Variants in NEK11 observed in about 807,000 individuals in gnomAD.
NEK11 encodes NIMA related kinase 11.
In NEK11, 72 loss-of-function variants were observed where a neutral mutation model predicts 80.7. The observed-to-expected ratio is 0.89, with a 90% confidence interval of 0.74 to 1.08. NEK11 has a LOEUF of 1.08. Ranked by LOEUF, NEK11 falls within the 50% of genes least tolerant of loss-of-function variation. NEK11 has a pLI of 0.00. For synonymous variants in NEK11, 251 were observed against 260.7 expected (o/e 0.96, Z 0.36); for missense variants, 764 against 763.6 (o/e 1.00, Z -0.01).
At chr3:131,034,545 G>A (rs550255165) in intron 3 of NEK11, among the ~76,000 whole-genome samples, 10 of 152,004 alleles carry the variant, frequency 6.6e-5, no homozygotes, top group Non-Finnish European at 1.2e-4. Flanking sequence ...GACTACAGGC[G>A]CCCGCCACCA....
At chr3:131,343,004 G>C (rs1481031561) in intron 17 of NEK11, among the ~76,000 whole-genome samples, 1 of 152,116 alleles carries the variant, frequency 6.6e-6, no homozygotes, top group Non-Finnish European at 1.5e-5. Context: ...AGTAGTTTCA[G>C]GGAAAAAGAG....
chr3:131,082,776 T>A (rs2149052213), intron 4 of NEK11, among the ~76,000 whole-genome samples: 1 of 152,334 alleles, frequency 6.6e-6, no homozygotes, highest in African/African-American at 2.4e-5. Context: ...ATATGCCCTT[T>A]ATCCAGATTC....
At chr3:131,110,783 C>T (rs1578407105) in intron 5 of NEK11, among the ~76,000 whole-genome samples, 1 of 152,214 alleles carries the variant, frequency 6.6e-6, no homozygotes, top group African/African-American at 2.4e-5. Context: ...AATGTGTCAT[C>T]TGTACTTTCT....
chr3:131,089,225 A>C (rs1247324594), intron 4 of NEK11, among the ~76,000 whole-genome samples: 1 of 152,178 alleles, frequency 6.6e-6, no homozygotes, highest in Non-Finnish European at 1.5e-5. Context: ...TGTTGAAAAT[A>C]CAGATTCCTT....
At chr3:131,251,732 C>T (rs1454050580) in intron 16 of NEK11, among the ~76,000 whole-genome samples, 1 of 152,054 alleles carries the variant, frequency 6.6e-6, no homozygotes, top group Non-Finnish European at 1.5e-5. Context: ...CAGGAAGCCC[C>T]TTAACCCTTC....
chr3:131,163,016 T>C (rs2091821178), intron 11 of NEK11, among the ~76,000 whole-genome samples: 1 of 152,222 alleles, frequency 6.6e-6, no homozygotes, highest in South Asian at 2.1e-4. Context: ...GAAAAGTCTA[T>C]GCTCAGGGCG....
intron 4 of NEK11, among the ~76,000 whole-genome samples, chr3:131,103,156 A>G (rs988922735): frequency 1.3e-5 from 2 of 152,082 alleles, no homozygotes; most frequent in African/African-American, 4.8e-5. Context: ...TCCACATTCT[A>G]TGTCTGTCAT....
At chr3:131,250,723 G>C (rs2095684799) in intron 16 of NEK11, among the ~76,000 whole-genome samples, 1 of 152,052 alleles carries the variant, frequency 6.6e-6, no homozygotes, top group South Asian at 2.1e-4. Context: ...GAATTCCAAG[G>C]GGTAAATAAA....
intron 17 of NEK11, among the ~76,000 whole-genome samples, chr3:131,286,092 T>C (rs1177682888): frequency 6.6e-6 from 1 of 152,244 alleles, no homozygotes; most frequent in South Asian, 2.1e-4. Context: ...CCACTTCAAT[T>C]GCCATTCTGC....
intron 17 of NEK11, among the ~76,000 whole-genome samples, chr3:131,318,299 T>C (rs2109646908): frequency 6.6e-6 from 1 of 152,298 alleles, no homozygotes; most frequent in African/African-American, 2.4e-5. Context: ...ATTCATTATT[T>C]CCATTTTAAA....
At position 131,109,965 on chromosome 3, in the gene NEK11, G is replaced by A. The variant is rs746841270; in HGVS notation, c.455+44G>A. 9 of 1,542,208 alleles carry A rather than the reference G, an allele frequency of 5.8e-6. No homozygotes were observed. In the South Asian group the frequency reaches 1.0e-4, roughly 17 times the overall value. ...GGGGGAGCATGATATATTTTTAACA[G>A]TCATGTTTGAACTTGAAAAGTGAAT... On this transcript the variant is annotated intron_variant, in intron 5 of 17. Transcript: ENST00000383366.
intron 14 of NEK11, among the ~76,000 whole-genome samples, chr3:131,189,955 A>G (rs939397564): frequency 1.3e-5 from 2 of 152,212 alleles, no homozygotes; most frequent in African/African-American, 2.4e-5. Context: ...CAACCAGTCC[A>G]AACAGAAATG....
chr3:131,060,036 T>C (rs938591262), intron 3 of NEK11, among the ~76,000 whole-genome samples: 11 of 152,176 alleles, frequency 7.2e-5, no homozygotes. Context: ...TTAATCCAAG[T>C]GTGAGTCTCT....
At chr3:131,030,865 A>T (rs149796780) in intron 3 of NEK11, among the ~76,000 whole-genome samples, 1 of 152,216 alleles carries the variant, frequency 6.6e-6, no homozygotes, top group Non-Finnish European at 1.5e-5. Flanking sequence ...TGCAGTGGAA[A>T]GTAAGTTGGA....
chr3:131,135,678 ATAT>A (rs933039696), intron 7 of NEK11, among the ~76,000 whole-genome samples: 1 of 152,142 alleles, frequency 6.6e-6, no homozygotes, highest in African/African-American at 2.4e-5. Flanking sequence ...TTAAAAATTA[ATAT>A]TATGGACATT....
intron 5 of NEK11, among the ~76,000 whole-genome samples, chr3:131,123,800 C>T (rs1329036775): frequency 6.6e-6 from 1 of 152,022 alleles, no homozygotes; most frequent in Non-Finnish European, 1.5e-5. Flanking sequence ...CCTGTTGTCT[C>T]TTTGACTTCC....
intron 4 of NEK11, among the ~76,000 whole-genome samples, chr3:131,093,736 T>A (rs2077062169): frequency 6.6e-6 from 1 of 152,136 alleles, no homozygotes; most frequent in Non-Finnish European, 1.5e-5. Flanking sequence ...ATAGTCACCC[T>A]TGGAATATTA....
intron 3 of NEK11, among the ~76,000 whole-genome samples, chr3:131,060,914 A>G (rs891283016): frequency 5.3e-5 from 8 of 152,198 alleles, no homozygotes; most frequent in Admixed American, 1.3e-4. Context: ...GAGACTGAGT[A>G]GTTTTTAATG....
chr3:131,145,871 T>G (rs1467163299), intron 7 of NEK11, among the ~76,000 whole-genome samples: 1 of 152,116 alleles, frequency 6.6e-6, no homozygotes, highest in Non-Finnish European at 1.5e-5. Context: ...TGAGTGTAAG[T>G]TAATGAGTTA....
Sources: gnomAD v4.1 joint callset for allele counts (sites outside exome capture counted in the v4.1 genomes callset) on GRCh38, gnomAD v4.1.1 for gene constraint, MANE v1.5 for transcripts, NCBI Gene and HGNC (gene_info 2026-07-23, HGNC 2026-07-21) for gene names.